The following GALNTL6 variants were observed in gnomAD, a reference collection of about 807,000 sequenced individuals.
The protein encoded by GALNTL6 is polypeptide N-acetylgalactosaminyltransferase like 6.
GALNTL6 carries 46 observed loss-of-function variants against 73.7 expected under a neutral mutation model. The ratio of observed to expected loss-of-function variants is 0.62; its 90% CI spans 0.49 to 0.80. The LOEUF is 0.80. Among genes scored for constraint, GALNTL6 ranks in the 30% least tolerant of loss-of-function variants. GALNTL6 has a pLI of 0.00. For missense variants in GALNTL6, 604 were observed against 755.0 expected, an observed-to-expected ratio of 0.80 and a Z score of 2.34; for synonymous variants, 259 against 263.7, an observed-to-expected ratio of 0.98 and a Z score of 0.17.
At chr4:172,199,233 A>G (rs1735877964) in intron 2 of GALNTL6, among the ~76,000 whole-genome samples, 1 of 152,206 alleles carries the variant, frequency 6.6e-6, no homozygotes, top group African/African-American at 2.4e-5. Context: ...TCATTATTAA[A>G]TGGGTAAAAT....
chr4:171,905,844 C>G (rs1257497777), intron 2 of GALNTL6, among the ~76,000 whole-genome samples: 2 of 151,358 alleles, frequency 1.3e-5, no homozygotes, highest in African/African-American at 4.9e-5. Flanking sequence ...GAATCTCACT[C>G]AAAACCGCTC....
intron 2 of GALNTL6, among the ~76,000 whole-genome samples, chr4:172,147,685 A>C (rs866063270): frequency 7.9e-5 from 12 of 152,354 alleles, no homozygotes; most frequent in African/African-American, 2.4e-4. Context: ...TGCTGGAAAA[A>C]TAGAATAGAC....
intron 2 of GALNTL6, among the ~76,000 whole-genome samples, chr4:171,915,257 A>T (rs1737585685): frequency 6.6e-6 from 1 of 152,148 alleles, no homozygotes; most frequent in South Asian, 2.1e-4. Context: ...GCCAGGCATT[A>T]CCTAGAATTT....
intron 5 of GALNTL6, among the ~76,000 whole-genome samples, chr4:172,612,688 A>T (rs2111052414): frequency 6.6e-6 from 1 of 152,164 alleles, no homozygotes; most frequent in East Asian, 1.9e-4. Context: ...GTAATGTAAA[A>T]ATTCTCCTAA....
At chr4:172,221,094 C>G (rs189282780) in intron 2 of GALNTL6, among the ~76,000 whole-genome samples, 1 of 151,766 alleles carries the variant, frequency 6.6e-6, no homozygotes, top group Admixed American at 6.6e-5. Flanking sequence ...ATGAAAGCAC[C>G]TGGGTAACAT....
At chr4:172,209,222 G>A (rs11132932) in intron 2 of GALNTL6, among the ~76,000 whole-genome samples, 3 of 151,930 alleles carry the variant, frequency 2.0e-5, no homozygotes, top group Admixed American at 6.6e-5. Context: ...CTTCTGATGT[G>A]AACAATTTCT....
intron 2 of GALNTL6, among the ~76,000 whole-genome samples, chr4:172,129,998 A>G (rs1471690152): frequency 6.6e-6 from 1 of 152,166 alleles, no homozygotes; most frequent in Non-Finnish European, 1.5e-5. Context: ...TGCAATGGGA[A>G]TACACACGGC....
At chr4:172,619,230 C>T (rs527505976) in intron 5 of GALNTL6, among the ~76,000 whole-genome samples, 8 of 152,224 alleles carry the variant, frequency 5.3e-5, no homozygotes, top group African/African-American at 1.2e-4. Context: ...AAGATTCCTA[C>T]GCGCCCTTCA....
At chr4:172,797,641 A>G (rs905284672) in intron 5 of GALNTL6, among the ~76,000 whole-genome samples, 3 of 151,970 alleles carry the variant, frequency 2.0e-5, no homozygotes, top group South Asian at 2.1e-4. Context: ...TCCCGGGTTC[A>G]GATTCTCATG....
At chr4:172,842,160 C>T (rs577205849) in intron 7 of GALNTL6, among the ~76,000 whole-genome samples, 14 of 152,160 alleles carry the variant, frequency 9.2e-5, no homozygotes, top group African/African-American at 1.2e-4. Flanking sequence ...CAAAGTATCT[C>T]GAAGTTATCT....
intron 10 of GALNTL6, among the ~76,000 whole-genome samples, chr4:172,987,356 C>T (rs191462958): frequency 3.2e-4 from 49 of 152,116 alleles, no homozygotes; most frequent in Non-Finnish European, 6.3e-4. Flanking sequence ...TCTTATAGAA[C>T]CATCAGATCA....
chr4:172,236,958 C>T (rs1329825766), intron 3 of GALNTL6, among the ~76,000 whole-genome samples: 1 of 152,172 alleles, frequency 6.6e-6, no homozygotes, highest in African/African-American at 2.4e-5. Context: ...ATAATAAGAA[C>T]ATGTGATGTT....
chr4:172,996,115 G>A (rs946938977), intron 10 of GALNTL6, among the ~76,000 whole-genome samples: 3 of 151,518 alleles, frequency 2.0e-5, no homozygotes, highest in African/African-American at 7.3e-5. Flanking sequence ...GCAAAGACAT[G>A]GAATCTATCT....
intron 5 of GALNTL6, among the ~76,000 whole-genome samples, chr4:172,633,664 G>A (rs1293343800): frequency 2.6e-5 from 4 of 152,154 alleles, no homozygotes; most frequent in Non-Finnish European, 5.9e-5. Flanking sequence ...ATTGGTTTTC[G>A]AATGTGAGGA....
chr4:172,424,172 C>T (rs1001699510), intron 5 of GALNTL6, among the ~76,000 whole-genome samples: 15 of 152,080 alleles, frequency 9.9e-5, no homozygotes, highest in Non-Finnish European at 1.5e-5. Context: ...ATACTAAGAA[C>T]ATTCAACTAT....
At chr4:171,931,244 C>T (rs571038279) in intron 2 of GALNTL6, among the ~76,000 whole-genome samples, 2 of 152,250 alleles carry the variant, frequency 1.3e-5, no homozygotes, top group Admixed American at 1.3e-4. Context: ...TGCAGTGGTG[C>T]AATCATGGCT....
At chr4:172,948,597 C>T (rs1749285424) in intron 9 of GALNTL6, among the ~76,000 whole-genome samples, 1 of 150,936 alleles carries the variant, frequency 6.6e-6, no homozygotes, top group Admixed American at 6.7e-5. Flanking sequence ...GGATTACAGG[C>T]ACCTGCCACC....
intron 3 of GALNTL6, among the ~76,000 whole-genome samples, chr4:172,279,680 A>C (rs898019829): frequency 1.3e-5 from 2 of 152,166 alleles, no homozygotes; most frequent in Non-Finnish European, 2.9e-5. Flanking sequence ...AAAATAAATT[A>C]AAAATAGAAT....
At chr4:172,837,562 G>T (rs1560984793) in intron 7 of GALNTL6, among the ~76,000 whole-genome samples, 2 of 152,166 alleles carry the variant, frequency 1.3e-5, no homozygotes, top group Non-Finnish European at 2.9e-5. Context: ...ATAAATATTT[G>T]TTAGGTGGTA....
Sources: allele counts gnomAD v4.1 joint callset (sites outside exome capture counted in the v4.1 genomes callset), GRCh38; gene constraint gnomAD v4.1.1; transcripts MANE v1.5; gene names NCBI Gene and HGNC (gene_info 2026-07-23, HGNC 2026-07-21).